The following CLDN2 variants were observed in gnomAD, a reference collection of about 807,000 sequenced individuals.
CLDN2 encodes claudin-2.
Under a neutral mutation model 8.2 loss-of-function variants are expected in CLDN2, and 1 was observed. The observed-to-expected ratio is 0.12, with a 90% confidence interval of 0.04 to 0.58. The LOEUF (loss-of-function observed/expected upper bound fraction) is 0.58. CLDN2 is among the 20% of genes least tolerant of loss of function. The pLI, the probability that CLDN2 is intolerant of heterozygous loss-of-function variation, is 0.90. For missense variants in CLDN2, 108 were observed against 172.9 expected, an observed-to-expected ratio of 0.62 and a Z score of 2.11; for synonymous variants, 70 against 70.2, an observed-to-expected ratio of 1.00 and a Z score of 0.01.
chrX:106,925,300 C>T (rs1933450746), intron 1 of CLDN2, among the ~76,000 whole-genome samples: 2 of 111,943 alleles, frequency 1.8e-5, no homozygotes, highest in South Asian at 7.6e-4. Flanking sequence ...TAAGAATAGA[C>T]AGGAGGGGTA....
chrX:106,901,623 G>A lies in CLDN2; in HGVS notation c.-179+1119G>A, dbSNP rs749492848. 65 of 992,279 alleles carry A rather than the reference G, an allele frequency of 6.6e-5. No individual in the cohort carries two copies. The African/African-American group carries it at 1.1e-3, about 17-fold the overall frequency. The allele number at this position is 992,279 out of a possible 1,213,427, so 81.8% of individuals were successfully genotyped here. On this transcript the variant is annotated intron_variant, in intron 1 of 1. Coordinates refer to the CLDN2 transcript ENST00000541806. Reference sequence around the variant, plus strand: ...TGTACTAGAGGTCAGAAAGCTGCAGGTAAAATGATCTTGAAGAGACCTTAG... The same window carrying A: ...TGTACTAGAGGTCAGAAAGCTGCAGATAAAATGATCTTGAAGAGACCTTAG...
At chrX:106,901,940 G>T (rs1933106031) in intron 1 of CLDN2, among the ~76,000 whole-genome samples, 1 of 112,117 alleles carries the variant, frequency 8.9e-6, no homozygotes, top group African/African-American at 3.2e-5. Flanking sequence ...CCCACTCTGA[G>T]CTTTGGTCTC....
intron 1 of CLDN2, among the ~76,000 whole-genome samples, chrX:106,925,484 A>G (rs1430227736): frequency 1.8e-5 from 2 of 112,588 alleles, no homozygotes; most frequent in Non-Finnish European, 3.8e-5. Flanking sequence ...TAATTCCACA[A>G]TAGTACAGAC....
chrX:106,928,677 C>A lies in CLDN2; in HGVS notation c.449C>A (p.Pro150Gln). 1.7e-6 allele frequency: 2 copies of A among 1,211,509 alleles called. No homozygotes were observed. Among genetic ancestry groups the A allele is most frequent in the Non-Finnish European group, 2.2e-6 (2 of 895,217 alleles). Reference sequence around the variant, plus strand: ...GGGATCCTACGGGACTTCTACTCACCACTGGTGCCTGACAGCATGAAATTT... The same window carrying A: ...GGGATCCTACGGGACTTCTACTCACAACTGGTGCCTGACAGCATGAAATTT... ...LHGILRDFYS[P>Q]LVPDSMKFEI... The change falls in exon 2 of 2, where the codon CCA (proline) becomes CAA (glutamine). Residue 150 changes from proline to glutamine, a missense_variant. Physicochemically the swap from Pro to Gln is moderately conservative, Grantham distance 76 (BLOSUM62 -1). Transcript: ENST00000336803.
rs369986160 is a variant in CLDN2 at position 106,923,894 on chromosome X, A to G, written c.-179+3343A>G. Among the ~76,000 whole-genome samples the G allele has an allele frequency of 6.3e-5, 7 of 111,425 alleles. No individual in the cohort carries two copies. In the East Asian group the frequency reaches 1.7e-3, roughly 27 times the overall value. On this transcript the variant is annotated intron_variant, in intron 1 of 1. Coordinates refer to ENST00000336803, the MANE Select transcript of CLDN2 (RefSeq NM_020384.4). ...AGAGCCATCTAGAAGTCGAGATGAA[A>G]CCCTGAGGAGGCTAGAGGGGCAGAG...
At chrX:106,922,250 C>G (rs374661183) in intron 1 of CLDN2, among the ~76,000 whole-genome samples, 48 of 112,573 alleles carry the variant, frequency 4.3e-4, no homozygotes, top group African/African-American at 1.5e-3. Context: ...GCTGAACCCC[C>G]CCTCCATGGG....
chrX:106,915,247 C>T (rs1002713751), upstream of CLDN2, among the ~76,000 whole-genome samples: 1 of 111,968 alleles, frequency 8.9e-6, no homozygotes, highest in African/African-American at 3.2e-5. Flanking sequence ...CCAGTTTATT[C>T]GTTCACTAGT....
chrX:106,921,566 C>T (rs1196482249), intron 1 of CLDN2, among the ~76,000 whole-genome samples: 4 of 111,730 alleles, frequency 3.6e-5, no homozygotes, highest in African/African-American at 1.3e-4. Context: ...GCCTGGGAAC[C>T]CCAAGTGCCC....
intron 1 of CLDN2, among the ~76,000 whole-genome samples, chrX:106,910,426 G>A (rs1254797714): frequency 9.0e-6 from 1 of 110,768 alleles, no homozygotes; most frequent in African/African-American, 3.3e-5. Context: ...GCAGAGACTG[G>A]GCGCAGTGGC....
upstream of CLDN2, chrX:106,918,311 C>G (rs1352204857): frequency 8.9e-6 from 1 of 111,926 alleles, no homozygotes; most frequent in East Asian, 2.8e-4. Flanking sequence ...CCTCCCACCC[C>G]TTCAGCCTTG....
At chrX:106,909,850 A>G (rs753741203) in intron 1 of CLDN2, among the ~76,000 whole-genome samples, 2 of 111,936 alleles carry the variant, frequency 1.8e-5, no homozygotes, top group East Asian at 5.7e-4. Flanking sequence ...CATTTGAGCC[A>G]GGGCTGTGGC....
intron 1 of CLDN2, among the ~76,000 whole-genome samples, chrX:106,907,758 CCTT>C (rs757748709): frequency 1.8e-5 from 2 of 108,794 alleles, no homozygotes; most frequent in African/African-American, 6.6e-5. Flanking sequence ...AAAGGACTCT[CCTT>C]CGTTCTGAGA....
At chrX:106,918,901 C>T (rs763706870), upstream of CLDN2, among the ~76,000 whole-genome samples, 108 of 112,197 alleles carry the variant, frequency 9.6e-4, no homozygotes, top group Non-Finnish European at 1.8e-3. Flanking sequence ...ATAGTAATGG[C>T]TGTCTTATTT....
chrX:106,902,313 A>G (rs1312844589), intron 1 of CLDN2: 1 of 688,667 alleles, frequency 1.5e-6, no homozygotes, highest in South Asian at 2.7e-5. Context: ...CTCAGGTGCC[A>G]TCTGCTCCAG....
rs1324183569 is a variant in CLDN2 at position 106,903,588 on chromosome X, T to G, written c.-179+3084T>G. On this transcript the variant is annotated intron_variant, in intron 1 of 1. Coordinates refer to the CLDN2 transcript ENST00000541806. ...CACAGAAGGGGCAAATCGCACACCA[T>G]TTGTGTGAATTCCCCAGGGAGTAGC... 9.0e-5 allele frequency among the ~76,000 whole-genome samples: 10 copies of G among 111,459 alleles called. No homozygotes were observed. In the Admixed American group the frequency reaches 9.4e-4, roughly 11 times the overall value.
At chrX:106,918,825 A>G (rs1054632191), upstream of CLDN2, among the ~76,000 whole-genome samples, 3 of 111,732 alleles carry the variant, frequency 2.7e-5, no homozygotes, top group African/African-American at 6.5e-5. Context: ...TCTAACTATT[A>G]CTGCTCAACT....
rs752723338 is a variant in CLDN2 at position 106,906,307 on chromosome X, G to A, written c.-179+5803G>A. Among the ~76,000 whole-genome samples the A allele has an allele frequency of 2.7e-5, 3 of 111,205 alleles. No individual in the cohort carries two copies. The East Asian group carries it at 8.5e-4, about 32-fold the overall frequency. On this transcript the variant is annotated intron_variant, in intron 1 of 1. Transcript: ENST00000541806. ...TGGGGCTAGCATTGCCTAGCTAACG[G>A]ACAGACAGGAAAGGAAAGTGCCATG...
At chrX:106,915,473 C>T (rs2147790297), upstream of CLDN2, among the ~76,000 whole-genome samples, 1 of 112,116 alleles carries the variant, frequency 8.9e-6, no homozygotes, top group African/African-American at 3.2e-5. Flanking sequence ...AAAATACTAC[C>T]ACCTCTTATT....
upstream of CLDN2, among the ~76,000 whole-genome samples, chrX:106,917,839 C>T (rs748265317): frequency 9.0e-6 from 1 of 111,466 alleles, no homozygotes; most frequent in African/African-American, 3.3e-5. Flanking sequence ...GTTCTTTCAG[C>T]CCCCTCTCCA....
Sources: gnomAD v4.1 joint callset for allele counts (sites outside exome capture counted in the v4.1 genomes callset) on GRCh38, gnomAD v4.1.1 for gene constraint, MANE v1.5 for transcripts, NCBI Gene and HGNC (gene_info 2026-07-23, HGNC 2026-07-21) for gene names.